The following SMIM20 variants were observed in gnomAD, a reference collection of about 807,000 sequenced individuals.
The protein encoded by SMIM20 is small integral membrane protein 20.
Under a neutral mutation model 8.7 loss-of-function variants are expected in SMIM20, and 3 were observed. The ratio of observed to expected loss-of-function variants is 0.34; its 90% CI spans 0.16 to 0.89. The LOEUF is 0.89. SMIM20 is among the 40% of genes least tolerant of loss of function. The probability of loss-of-function intolerance (pLI) is 0.49; values close to 1 mark genes in which losing one functional copy is unlikely to be tolerated. For missense variants in SMIM20, 85 were observed against 84.8 expected (o/e 1.00, Z -0.01); for synonymous variants, 44 against 33.6 (o/e 1.31, Z -1.07).
At chr4:25,925,040 G>T (rs1177922710) in intron 1 of SMIM20, among the ~76,000 whole-genome samples, 2 of 151,850 alleles carry the variant, frequency 1.3e-5, no homozygotes, top group African/African-American at 2.4e-5. Context: ...TTTAGACTTG[G>T]ATCCCATCCC....
chr4:25,925,594 A>C (rs1402922516), intron 1 of SMIM20, among the ~76,000 whole-genome samples: 4 of 152,174 alleles, frequency 2.6e-5, no homozygotes, highest in Non-Finnish European at 4.4e-5. Flanking sequence ...TCCCAAGGTC[A>C]TACCTTGCAC....
At chr4:25,928,467 C>A in intron 2 of SMIM20, 98 bp downstream of exon 2, 1 of 1,185,916 alleles carries the variant, frequency 8.4e-7, no homozygotes, top group African/African-American at 1.6e-5. Context: ...TGGGAAAATG[C>A]CTTTTAGCTT....
In SMIM20 at chr4:25,920,692, C is replaced by T. The variant is rs189280744; in HGVS notation, c.109+6270C>T. 6.6e-5 allele frequency among the ~76,000 whole-genome samples: 10 copies of T among 152,318 alleles called. No individual in the cohort carries two copies. The East Asian group carries it at 1.2e-3, about 18-fold the overall frequency. ...TTCACATTCACTCACCACTCACTCA[C>T]CCAGAGCAACTTCCACTCCTGCAGG... On this transcript the variant is annotated intron_variant, in intron 1 of 2. Coordinates refer to ENST00000506197, the MANE Select transcript of SMIM20 (RefSeq NM_001145432.3).
At position 25,929,372 on chromosome 4, in the gene SMIM20, A is replaced by G. The variant is rs1255872163; in HGVS notation, c.*181A>G. ...AGGATTAATATTTCCCTTCTTAAGT[A>G]TCAAAAGAACTCTGGAACAAATTAT... On this transcript the variant is annotated 3_prime_UTR_variant, in exon 3 of 3. Transcript: ENST00000506197. 3.4e-6 allele frequency: 2 copies of G among 585,476 alleles called. No individual in the cohort carries two copies. Among genetic ancestry groups the G allele is most frequent in the East Asian group, 6.1e-5 (2 of 32,736 alleles). The allele number at this position is 585,476 out of a possible 1,614,324, so 36.3% of individuals were successfully genotyped here.
intron 1 of SMIM20, among the ~76,000 whole-genome samples, chr4:25,914,791 C>A (rs1719049610): frequency 6.6e-6 from 1 of 152,210 alleles, no homozygotes; most frequent in Non-Finnish European, 1.5e-5. Context: ...TGGATCGTTT[C>A]ATTTGCACAA....
In SMIM20 at chr4:25,920,734, T is replaced by A. The variant is rs114287207; in HGVS notation, c.109+6312T>A. 5.7e-3 allele frequency among the ~76,000 whole-genome samples: 868 copies of A among 152,332 alleles called. 14 individuals are homozygous for A. The highest frequency in any genetic ancestry group is 0.02 in the African/African-American group (819 of 41,572). On this transcript the variant is annotated intron_variant, in intron 1 of 2. Coordinates refer to ENST00000506197, the MANE Select transcript of SMIM20 (RefSeq NM_001145432.3). ...TCCTGCAGGATTCATTCAAGGTAAA[T>A]ATCCTATTTGGGTACACCATTTGGA...
At chr4:25,928,248 A>G in intron 1 of SMIM20, 65 bp from the exon 2 acceptor site, 1 of 1,483,022 alleles carries the variant, frequency 6.7e-7, no homozygotes, top group Non-Finnish European at 9.1e-7. Flanking sequence ...TGGCCCATGT[A>G]AATACAAATA....
chr4:25,919,577 A>G (rs1719162933), intron 1 of SMIM20, among the ~76,000 whole-genome samples: 1 of 151,662 alleles, frequency 6.6e-6, no homozygotes. Context: ...CAAACTCCTG[A>G]GCTCAGGCAA....
At chr4:25,925,642 G>T (rs1344683190) in intron 1 of SMIM20, among the ~76,000 whole-genome samples, 2 of 152,172 alleles carry the variant, frequency 1.3e-5, no homozygotes, top group African/African-American at 4.8e-5. Context: ...GTTTCTGTCT[G>T]CTGGTCCTCC....
At chr4:25,921,284 A>G (rs1231163757) in intron 1 of SMIM20, among the ~76,000 whole-genome samples, 1 of 152,152 alleles carries the variant, frequency 6.6e-6, no homozygotes, top group Non-Finnish European at 1.5e-5. Flanking sequence ...CTGTAATCCC[A>G]GCACTTTGGG....
At chr4:25,921,860 G>C (rs1274674690) in intron 1 of SMIM20, among the ~76,000 whole-genome samples, 3 of 152,180 alleles carry the variant, frequency 2.0e-5, no homozygotes, top group Non-Finnish European at 4.4e-5. Flanking sequence ...GGAGTGGCTA[G>C]ACAGGTTTTA....
At chr4:25,919,636 C>G (rs1719164219) in intron 1 of SMIM20, among the ~76,000 whole-genome samples, 2 of 152,234 alleles carry the variant, frequency 1.3e-5, no homozygotes, top group Admixed American at 6.5e-5. Context: ...GCATGAGCCA[C>G]TGCACCCGGC....
intron 1 of SMIM20, among the ~76,000 whole-genome samples, chr4:25,917,693 T>A (rs1288044376): frequency 6.6e-6 from 1 of 152,194 alleles, no homozygotes; most frequent in Non-Finnish European, 1.5e-5. Flanking sequence ...GTCACTTCCT[T>A]CCATCATGCT....
At chr4:25,916,848 C>T (rs1384300983) in intron 1 of SMIM20, among the ~76,000 whole-genome samples, 1 of 152,244 alleles carries the variant, frequency 6.6e-6, no homozygotes, top group Non-Finnish European at 1.5e-5. Flanking sequence ...ACTGCTGTAA[C>T]ATTTGTAATG....
At chr4:25,916,758 G>A (rs565912160) in intron 1 of SMIM20, among the ~76,000 whole-genome samples, 9 of 152,250 alleles carry the variant, frequency 5.9e-5, no homozygotes, top group Admixed American at 4.6e-4. Flanking sequence ...ATTCTGCCAT[G>A]TTGGCCAGGC....
intron 1 of SMIM20, among the ~76,000 whole-genome samples, chr4:25,927,504 C>T (rs987960378): frequency 3.9e-5 from 6 of 152,294 alleles, no homozygotes; most frequent in African/African-American, 1.2e-4. Context: ...AACAAAGGTC[C>T]GATTATGACA....
chr4:25,917,129 C>G (rs1241343544), intron 1 of SMIM20, among the ~76,000 whole-genome samples: 4 of 152,056 alleles, frequency 2.6e-5, no homozygotes. Flanking sequence ...AGTCACAGAT[C>G]TGGGACTTGA....
chr4:25,928,017 TTTG>T (rs1181273944), intron 1 of SMIM20, among the ~76,000 whole-genome samples: 4 of 152,250 alleles, frequency 2.6e-5, no homozygotes, highest in African/African-American at 4.8e-5. Flanking sequence ...TTGTTCTTTT[TTTG>T]TTGTTGTTTT....
At chr4:25,927,964 C>T (rs1348909148) in intron 1 of SMIM20, among the ~76,000 whole-genome samples, 1 of 152,236 alleles carries the variant, frequency 6.6e-6, no homozygotes, top group Non-Finnish European at 1.5e-5. Flanking sequence ...TTCAATTCAG[C>T]AGCTTTCCCC....
Sources: allele counts gnomAD v4.1 joint callset (sites outside exome capture counted in the v4.1 genomes callset), GRCh38; gene constraint gnomAD v4.1.1; transcripts MANE v1.5; gene names NCBI Gene and HGNC (gene_info 2026-07-23, HGNC 2026-07-21).